Variants in ANXA13 observed in about 807,000 individuals in gnomAD.
ANXA13 encodes annexin XIII.
Under a neutral mutation model 46.6 loss-of-function variants are expected in ANXA13, and 36 were observed. That is an observed-to-expected ratio of 0.77 (90% CI 0.59 to 1.02). The LOEUF (loss-of-function observed/expected upper bound fraction) is 1.02, where lower values mean the gene tolerates loss of function less well. Among genes scored for constraint, ANXA13 ranks in the 50% least tolerant of loss-of-function variants. The pLI is 0.00. For synonymous variants in ANXA13, 163 were observed against 152.9 expected (o/e 1.07, Z -0.49); for missense variants, 417 against 396.5 (o/e 1.05, Z -0.44).
intron 1 of ANXA13, among the ~76,000 whole-genome samples, chr8:123,721,805 A>G (rs1813877520): frequency 6.6e-6 from 1 of 152,206 alleles, no homozygotes; most frequent in African/African-American, 2.4e-5. Context: ...GTTTACAAAT[A>G]GCAACTCATT....
intron 9 of ANXA13, 49 bp downstream of exon 9, chr8:123,688,822 G>T (rs369289449): frequency 6.4e-7 from 1 of 1,558,480 alleles, no homozygotes. Context: ...TCTGAGTCTG[G>T]TTCCAGGCAG....
intron 2 of ANXA13, among the ~76,000 whole-genome samples, chr8:123,708,209 G>C (rs1813581068): frequency 6.6e-6 from 1 of 152,230 alleles, no homozygotes; most frequent in Admixed American, 6.5e-5. Flanking sequence ...AAAAGAAGGA[G>C]CCACACACTG....
At chr8:123,731,001 T>C (rs1019884745) in intron 1 of ANXA13, among the ~76,000 whole-genome samples, 4 of 152,130 alleles carry the variant, frequency 2.6e-5, no homozygotes, top group Admixed American at 6.5e-5. Flanking sequence ...GAGTTCCCCA[T>C]AGTCAATGCT....
At chr8:123,695,616 G>T (rs1222561206) in intron 5 of ANXA13, 35 bp from the exon 6 acceptor site, 33 of 1,609,974 alleles carry the variant, frequency 2.0e-5, no homozygotes, top group Non-Finnish European at 2.8e-5. Context: ...GAAGAAAGCA[G>T]ATGATTTAGT....
intron 1 of ANXA13, among the ~76,000 whole-genome samples, chr8:123,736,566 C>T (rs1337948330): frequency 1.3e-5 from 2 of 152,132 alleles, no homozygotes; most frequent in African/African-American, 4.8e-5. Context: ...AATATTTTCA[C>T]CTTGCAATCC....
intron 9 of ANXA13, 92 bp from the exon 10 acceptor site, chr8:123,684,814 A>T (rs1039187844): frequency 1.0e-5 from 9 of 869,616 alleles, no homozygotes; most frequent in Non-Finnish European, 1.7e-5. Context: ...CTGCCCTTCG[A>T]GCTGACTGGA....
rs769834262 is a variant in ANXA13, at chr8:123,735,826, A to G, written c.15+1494T>C. The G allele has an allele frequency of 2.5e-6, 4 of 1,612,388 alleles. No homozygotes were observed. The African/African-American group carries it at 4.0e-5, about 16-fold the overall frequency. The stretch of plus-strand genomic sequence containing the variant: ...GGCTGCACGACTGTCGAGGGTTGGG[A>G]GTCCCCTTTAGGCAACTGTTGACTG... On this transcript the variant is annotated intron_variant, in intron 1 of 10. Transcript: ENST00000419625.
rs199825130 is a variant in ANXA13 at position 123,735,127 on chromosome 8, A to AC, written c.15+2192_15+2193insG. ...CAAGTAAAACTCAAAAAAAAAAAAA[A>AC]AAACAAACCCAGCATTATAGCCATT... On this transcript the variant is annotated intron_variant, in intron 1 of 10. Coordinates refer to ENST00000419625, the MANE Select transcript of ANXA13 (RefSeq NM_004306.4). Among the ~76,000 whole-genome samples, 607 of 151,794 alleles carry AC rather than the reference A, an allele frequency of 4.0e-3. 8 individuals carry two copies. The highest frequency in any genetic ancestry group is 0.014 in the African/African-American group (580 of 41,182).
chr8:123,693,780 C>T lies in ANXA13; in HGVS notation c.472-1G>A, dbSNP rs1318477857. 1.2e-6 allele frequency: 2 copies of T among 1,613,504 alleles called. No homozygotes were observed. The highest frequency in any genetic ancestry group is 3.3e-5 in the Admixed American group (2 of 59,936). On this transcript the variant is annotated splice_acceptor_variant, in intron 6 of 10. Coordinates refer to ENST00000419625, the MANE Select transcript of ANXA13 (RefSeq NM_004306.4). LOFTEE classifies it high-confidence loss of function. ...CGTCATCTCCTTCATTGCGATTAGCCTAGAAAAATTGACACATTGTTATTA... is the reference window on the plus strand; with the variant it reads ...CGTCATCTCCTTCATTGCGATTAGCTTAGAAAAATTGACACATTGTTATTA...
intron 7 of ANXA13, 101 bp from the exon 8 acceptor site, chr8:123,693,399 C>T: frequency 9.6e-7 from 1 of 1,043,908 alleles, no homozygotes; most frequent in Admixed American, 2.2e-5. Flanking sequence ...ATAAACTATG[C>T]ATTGAATAGA....
chr8:123,733,057 G>T (rs1054813868), intron 1 of ANXA13, among the ~76,000 whole-genome samples: 21 of 152,072 alleles, frequency 1.4e-4, no homozygotes. Context: ...CACCTACTTG[G>T]AGGTCTGAGG....
rs34135339 is a variant in ANXA13, at chr8:123,720,657, CGTGTGTGTGT to C, written c.16-7914_16-7905del. 4.9e-4 allele frequency among the ~76,000 whole-genome samples: 69 copies of C among 141,524 alleles called. 1 individual carries two copies. The highest frequency in any genetic ancestry group is 8.6e-4 in the Non-Finnish European group (56 of 65,434). The allele number at this position is 141,524 out of a possible 152,430, so 92.8% of individuals were successfully genotyped here. A position where few individuals can be genotyped will look rare whatever the true frequency, so the allele number is the denominator to read the frequency against. ...CAGCTATGAACGTTTCCTGTGTCCC[CGTGTGTGTGT>C]GTGTGTGTGTGTGTGTGTGTGTGTG... is the stretch of plus-strand genomic sequence containing the variant. On this transcript the variant is annotated intron_variant, in intron 1 of 10. Transcript: ENST00000419625.
At position 123,726,299 on chromosome 8, in the gene ANXA13, G is replaced by C. The variant is rs529610153; in HGVS notation, c.15+11021C>G. On this transcript the variant is annotated intron_variant, in intron 1 of 10. Transcript: ENST00000419625. ...CTATGCCATCTGGGTTACACGTGTT[G>C]ATGTGATATTTACTTATCAAAGGTG... Among the ~76,000 whole-genome samples the C allele has an allele frequency of 3.3e-5, 5 of 152,302 alleles. No individual in the cohort carries two copies. In the South Asian group the frequency reaches 1.0e-3, roughly 32 times the overall value.
At chr8:123,731,099 G>T (rs1336018008) in intron 1 of ANXA13, among the ~76,000 whole-genome samples, 1 of 152,172 alleles carries the variant, frequency 6.6e-6, no homozygotes, top group Admixed American at 6.6e-5. Flanking sequence ...CACGTGGAAG[G>T]CTTGTTCAGA....
intron 9 of ANXA13, among the ~76,000 whole-genome samples, chr8:123,686,497 A>G (rs1365981340): frequency 6.6e-6 from 1 of 151,906 alleles, no homozygotes; most frequent in African/African-American, 2.4e-5. Flanking sequence ...AAAGAAAAAA[A>G]CCTCTTCACA....
intron 2 of ANXA13, among the ~76,000 whole-genome samples, chr8:123,710,124 C>T (rs1012486051): frequency 6.6e-6 from 1 of 152,270 alleles, no homozygotes; most frequent in Admixed American, 6.5e-5. Flanking sequence ...AGTTTTATTC[C>T]TCTGGAGCCA....
intron 3 of ANXA13, among the ~76,000 whole-genome samples, chr8:123,701,338 C>T (rs541592860): frequency 3.9e-5 from 6 of 152,122 alleles, no homozygotes; most frequent in East Asian, 1.9e-4. Context: ...GGCATGGTGG[C>T]GCGTGCCTGT....
intron 1 of ANXA13, 152 bp from the exon 2 acceptor site, chr8:123,712,905 G>A: frequency 1.4e-6 from 1 of 720,436 alleles, no homozygotes; most frequent in Non-Finnish European, 2.4e-6. Context: ...AATCAGCTGG[G>A]GAGACTCTGG....
rs974374113 is a variant in ANXA13 at position 123,690,882 on chromosome 8, C to A, written c.643-1936G>T. 3.3e-5 allele frequency among the ~76,000 whole-genome samples: 5 copies of A among 152,166 alleles called. No individual in the cohort carries two copies. The highest frequency in any genetic ancestry group is 1.2e-4 in the African/African-American group (5 of 41,432). On this transcript the variant is annotated intron_variant, in intron 8 of 10. Transcript: ENST00000419625. The surrounding 1 kb of genome is among the most constrained non-coding windows in gnomAD (Gnocchi z 4.6). The stretch of plus-strand genomic sequence containing the variant: ...GAAGCCTCTGGCGTGGAATAAGGAA[C>A]ATGTACAGGGGAGGGGCAAAGGGTG...
Sources: allele counts gnomAD v4.1 joint callset (sites outside exome capture counted in the v4.1 genomes callset), GRCh38; gene constraint gnomAD v4.1.1; non-coding constraint Gnocchi (gnomAD v3.1); transcripts MANE v1.5; gene names NCBI Gene and HGNC (gene_info 2026-07-23, HGNC 2026-07-21).